The following NEK1 variants were observed in gnomAD, a reference collection of about 807,000 sequenced individuals.
NEK1 encodes the protein serine/threonine-protein kinase Nek1.
In NEK1, 137 loss-of-function variants were observed where a neutral mutation model predicts 182.1. That is an observed-to-expected ratio of 0.75 (90% confidence interval 0.65 to 0.87). The LOEUF is 0.87. Among genes scored for constraint, NEK1 ranks in the 40% least tolerant of loss-of-function variants. The probability of loss-of-function intolerance (pLI) is 0.00; values close to 1 mark genes in which losing one functional copy is unlikely to be tolerated. For missense variants in NEK1, 1,391 were observed against 1,494.4 expected, an observed-to-expected ratio of 0.93 and a Z score of 1.14; for synonymous variants, 513 against 492.2, an observed-to-expected ratio of 1.04 and a Z score of -0.56.
At chr4:169,539,952 A>C (rs186534124) in intron 18 of NEK1, among the ~76,000 whole-genome samples, 14 of 152,314 alleles carry the variant, frequency 9.2e-5, no homozygotes, top group Admixed American at 2.0e-4. Flanking sequence ...GCGGTTGCAC[A>C]AAATTGTTTA....
At chr4:169,482,055 CT>C (rs1479065957) in intron 23 of NEK1, among the ~76,000 whole-genome samples, 6 of 152,222 alleles carry the variant, frequency 3.9e-5, no homozygotes, top group Admixed American at 3.9e-4. Context: ...TTACCTTGCA[CT>C]TTCATGTTAT....
chr4:169,444,819 C>G (rs7671446), intron 27 of NEK1, among the ~76,000 whole-genome samples: 125,907 of 152,178 alleles, frequency 0.83, 52,738 homozygotes, highest in East Asian at 0.96. Context: ...TCAGCACATG[C>G]AACATTCTCC....
At chr4:169,463,459 C>T (rs896977526) in intron 26 of NEK1, 64 bp from the exon 27 acceptor site, 4 of 1,235,008 alleles carry the variant, frequency 3.2e-6, no homozygotes, top group Non-Finnish European at 4.4e-6. Flanking sequence ...CATGGTAAGG[C>T]AGATTTTGAG....
intron 31 of NEK1, among the ~76,000 whole-genome samples, chr4:169,421,324 A>T (rs1170299790): frequency 2.6e-5 from 4 of 152,208 alleles, no homozygotes; most frequent in African/African-American, 9.6e-5. Context: ...AAGAATGCTA[A>T]ATTTTTATTT....
intron 32 of NEK1, among the ~76,000 whole-genome samples, chr4:169,402,339 T>C (rs900261911): frequency 1.3e-5 from 2 of 152,228 alleles, no homozygotes; most frequent in Non-Finnish European, 2.9e-5. Flanking sequence ...TACATGCCCA[T>C]TGGGCATTTG....
chr4:169,553,149 T>C (rs906469333), intron 18 of NEK1, among the ~76,000 whole-genome samples: 8 of 152,092 alleles, frequency 5.3e-5, no homozygotes, highest in Admixed American at 6.6e-5. Flanking sequence ...TGACTGAAAA[T>C]ACCTGATTTC....
At chr4:169,471,909 ACTTT>A (rs1409405560) in intron 26 of NEK1, among the ~76,000 whole-genome samples, 2 of 151,996 alleles carry the variant, frequency 1.3e-5, no homozygotes, top group African/African-American at 4.8e-5. Flanking sequence ...CCCAGTTCAA[ACTTT>A]CTGTCAGCTT....
At chr4:169,456,087 G>A (rs899531327) in intron 27 of NEK1, among the ~76,000 whole-genome samples, 32 of 152,078 alleles carry the variant, frequency 2.1e-4, no homozygotes, top group Admixed American at 2.1e-3. Context: ...CAAACACATG[G>A]AAATTAAACA....
chr4:169,491,448 T>G (rs1476151327), intron 23 of NEK1, among the ~76,000 whole-genome samples: 2 of 152,044 alleles, frequency 1.3e-5, no homozygotes, highest in Non-Finnish European at 2.9e-5. Context: ...CAGGAGAGAA[T>G]GGGATAATAT....
chr4:169,549,229 G>A (rs879530389), intron 18 of NEK1, among the ~76,000 whole-genome samples: 4 of 152,122 alleles, frequency 2.6e-5, no homozygotes, highest in Non-Finnish European at 4.4e-5. Flanking sequence ...TCCAAACCCT[G>A]GTGTTCCTGG....
chr4:169,467,388 G>C (rs1317750834), intron 26 of NEK1, among the ~76,000 whole-genome samples: 4 of 152,046 alleles, frequency 2.6e-5, no homozygotes, highest in African/African-American at 7.2e-5. Flanking sequence ...CTCAATTGAA[G>C]ATAGGCTGTG....
At chr4:169,499,184 T>G (rs796508640) in intron 23 of NEK1, among the ~76,000 whole-genome samples, 40 of 152,360 alleles carry the variant, frequency 2.6e-4, no homozygotes, top group African/African-American at 8.7e-4. Flanking sequence ...CTTCTTCCAG[T>G]TGACAAATTG....
In NEK1 at chr4:169,512,927, G is replaced by A. The variant is rs1053101131; in HGVS notation, c.1666-4075C>T. 1.2e-4 allele frequency among the ~76,000 whole-genome samples: 19 copies of A among 152,156 alleles called. No homozygotes were observed. The East Asian group carries it at 3.7e-3, about 29-fold the overall frequency. On this transcript the variant is annotated intron_variant, in intron 19 of 35. Coordinates refer to ENST00000507142, the MANE Select transcript of NEK1 (RefSeq NM_001199397.3). ...ATATATATTTGTGTGCATCTATTCT[G>A]GGACTCTCCATAGTGTTTCATTGAT...
intron 18 of NEK1, among the ~76,000 whole-genome samples, chr4:169,552,014 G>A (rs1324693175): frequency 2.0e-5 from 3 of 151,780 alleles, no homozygotes; most frequent in African/African-American, 4.8e-5. Flanking sequence ...TGAGAGGAAG[G>A]AAAAAAAGAT....
intron 27 of NEK1, among the ~76,000 whole-genome samples, chr4:169,449,364 C>T (rs1326097871): frequency 6.6e-6 from 1 of 152,216 alleles, no homozygotes; most frequent in Non-Finnish European, 1.5e-5. Flanking sequence ...CAACTGGGTC[C>T]CTGACCCCCA....
chr4:169,610,062 G>C (rs1455157217), intron 2 of NEK1, among the ~76,000 whole-genome samples: 1 of 147,310 alleles, frequency 6.8e-6, no homozygotes, highest in African/African-American at 2.6e-5. Context: ...CTGTTGCCTA[G>C]GCTGGAATGC....
chr4:169,536,511 CA>C (rs1199668331), intron 19 of NEK1, among the ~76,000 whole-genome samples: 7 of 151,846 alleles, frequency 4.6e-5, no homozygotes, highest in Middle Eastern at 3.4e-3. Flanking sequence ...ACAACAAAAG[CA>C]AAATACTTTT....
chr4:169,509,820 T>G (rs1753894248), intron 19 of NEK1, among the ~76,000 whole-genome samples: 1 of 152,144 alleles, frequency 6.6e-6, no homozygotes, highest in South Asian at 2.1e-4. Flanking sequence ...CTGAGAAACT[T>G]AAAATTTGAG....
chr4:169,600,401 T>G (rs953245257), intron 4 of NEK1, among the ~76,000 whole-genome samples: 1 of 151,988 alleles, frequency 6.6e-6, no homozygotes, highest in African/African-American at 2.4e-5. Flanking sequence ...CACCCTATGT[T>G]TCCCAGGCTG....
Sources: allele counts gnomAD v4.1 joint callset (sites outside exome capture counted in the v4.1 genomes callset), GRCh38; gene constraint gnomAD v4.1.1; transcripts MANE v1.5; gene names NCBI Gene and HGNC (gene_info 2026-07-23, HGNC 2026-07-21).